AAMDC: variants seen among roughly 807,000 people sequenced by gnomAD.
AAMDC encodes adipogenesis associated Mth938 domain containing, also known as mth938 domain-containing protein.
Under a neutral mutation model 15.5 loss-of-function variants are expected in AAMDC, and 16 were observed. The ratio of observed to expected loss-of-function variants is 1.03; its 90% CI spans 0.70 to 1.57. AAMDC has a LOEUF of 1.57. Ranked by LOEUF, AAMDC falls within the 40% of genes most tolerant of loss-of-function variation. The pLI is 0.00. For missense variants in AAMDC, 141 were observed against 144.9 expected (o/e 0.97, Z 0.14); for synonymous variants, 51 against 51.6 (o/e 0.99, Z 0.05).
At chr11:77,899,651 C>G (rs907793803) in intron 5 of AAMDC, among the ~76,000 whole-genome samples, 2 of 149,430 alleles carry the variant, frequency 1.3e-5, no homozygotes, top group African/African-American at 4.9e-5. Flanking sequence ...GCCTGGGCAA[C>G]AAGAGCGAGA....
At chr11:77,825,617 G>A (rs540396088) in intron 1 of AAMDC, among the ~76,000 whole-genome samples, 2 of 151,794 alleles carry the variant, frequency 1.3e-5, no homozygotes, top group South Asian at 2.1e-4. Flanking sequence ...TATTTGTCTT[G>A]ATAACTGAAT....
intron 1 of AAMDC, chr11:77,830,132 A>C (rs778065619): frequency 6.6e-6 from 1 of 152,280 alleles, no homozygotes; most frequent in Non-Finnish European, 1.5e-5. Context: ...CTGTACCTAA[A>C]AGAAGAAAAG....
rs182734009 is a variant in AAMDC at position 77,861,371 on chromosome 11, G to A, written c.133-8351G>A. Among the ~76,000 whole-genome samples, 954 of 152,346 alleles carry A rather than the reference G, an allele frequency of 6.3e-3. 4 individuals are homozygous for A. Among genetic ancestry groups the A allele is most frequent in the Non-Finnish European group, 0.011 (753 of 68,032 alleles). On this transcript the variant is annotated intron_variant, in intron 2 of 3. Transcript: ENST00000393427. ...GCTGTCCTAGGACCCCTTGGATAGT[G>A]ACAGATCTGGAGGACAGTTGTCCAG...
chr11:77,905,644 G>A (rs1431812911), downstream of AAMDC, among the ~76,000 whole-genome samples: 2 of 152,176 alleles, frequency 1.3e-5, no homozygotes, highest in African/African-American at 4.8e-5. Flanking sequence ...CTGCATTTGT[G>A]AAAGATAAAA....
At chr11:77,886,806 G>A (rs1257605636) in intron 5 of AAMDC, among the ~76,000 whole-genome samples, 1 of 152,110 alleles carries the variant, frequency 6.6e-6, no homozygotes, top group African/African-American at 2.4e-5. Flanking sequence ...ACTCAAAACC[G>A]CTCAACTACA....
intron 2 of AAMDC, among the ~76,000 whole-genome samples, chr11:77,860,714 T>C (rs1187196082): frequency 6.6e-6 from 1 of 152,178 alleles, no homozygotes; most frequent in Non-Finnish European, 1.5e-5. Flanking sequence ...GACATTGGGT[T>C]TGAAGGATCT....
downstream of AAMDC, among the ~76,000 whole-genome samples, chr11:77,904,272 A>G (rs1446807894): frequency 6.6e-6 from 1 of 152,236 alleles, no homozygotes; most frequent in East Asian, 1.9e-4. Context: ...GACATTACAG[A>G]AAACCTAGAC....
intron 1 of AAMDC, among the ~76,000 whole-genome samples, chr11:77,836,921 C>T (rs1296117084): frequency 6.6e-5 from 10 of 152,026 alleles, no homozygotes; most frequent in East Asian, 3.9e-4. Flanking sequence ...GCCAAGATCG[C>T]GCCATTGCAC....
At chr11:77,871,106 A>G (rs949098669) in intron 3 of AAMDC, among the ~76,000 whole-genome samples, 1 of 152,184 alleles carries the variant, frequency 6.6e-6, no homozygotes, top group Non-Finnish European at 1.5e-5. Context: ...TGCCCAGCCT[A>G]TTTATATTTT....
At chr11:77,831,669 G>A (rs1949430439) in intron 1 of AAMDC, among the ~76,000 whole-genome samples, 1 of 149,932 alleles carries the variant, frequency 6.7e-6, no homozygotes, top group Non-Finnish European at 1.5e-5. Flanking sequence ...GAAAGAAGCA[G>A]CCACCTTTCA....
chr11:77,849,083 C>T (rs1424203036), intron 2 of AAMDC, among the ~76,000 whole-genome samples: 1 of 151,108 alleles, frequency 6.6e-6, no homozygotes, highest in African/African-American at 2.4e-5. Context: ...GTCCCCCAGG[C>T]TGGAGTGCAA....
downstream of AAMDC, among the ~76,000 whole-genome samples, chr11:77,873,906 T>C (rs1951525143): frequency 6.6e-6 from 1 of 152,224 alleles, no homozygotes; most frequent in Non-Finnish European, 1.5e-5. Context: ...CAGCCATCAC[T>C]GGAGCAGCAG....
At chr11:77,900,340 C>T (rs1459429106) in intron 5 of AAMDC, among the ~76,000 whole-genome samples, 2 of 151,808 alleles carry the variant, frequency 1.3e-5, no homozygotes, top group Non-Finnish European at 3.0e-5. Flanking sequence ...ACCTCGTGAT[C>T]TGCCCACCTT....
intron 1 of AAMDC, among the ~76,000 whole-genome samples, chr11:77,830,987 C>CAAAAAAAAAAAA (rs59283485): frequency 9.9e-6 from 1 of 100,514 alleles, no homozygotes; most frequent in Admixed American, 1.1e-4. Context: ...CAAAATATAC[C>CAAAAAAAAAAAA]AAAAAAAAAA....
Position 77,894,232 on chromosome 11 carries a change from A to C in AAMDC, c.329-6339A>C, listed in dbSNP as rs79318882. The C allele has an allele frequency of 1.7e-3, 1,399 of 840,302 alleles. 15 individuals are homozygous for C. In the African/African-American group the frequency reaches 0.022, roughly 13 times the overall value. 52.1% of individuals were successfully genotyped at this position (840,302 alleles called of 1,614,324 possible). A position where few individuals can be genotyped will look rare whatever the true frequency, so the allele number is the denominator to read the frequency against. ...TTTGTGATTGTTCCTATTGCCTGCA[A>C]GTGCTATACTCCATGTAACCAAGAT... On this transcript the variant is annotated intron_variant, in intron 5 of 5. Coordinates refer to the AAMDC transcript ENST00000304716.
chr11:77,904,587 G>A (rs977130847), downstream of AAMDC, among the ~76,000 whole-genome samples: 2 of 152,114 alleles, frequency 1.3e-5, no homozygotes, highest in African/African-American at 2.4e-5. Context: ...AGAGTCCCAT[G>A]TATCTGGTGG....
At chr11:77,903,641 G>A (rs757919786), downstream of AAMDC, 9 of 1,597,224 alleles carry the variant, frequency 5.6e-6, no homozygotes, top group East Asian at 2.2e-5. Context: ...AAATCAGGAG[G>A]GAACAGAATA....
At chr11:77,853,817 T>G (rs1051716809) in intron 2 of AAMDC, among the ~76,000 whole-genome samples, 3 of 151,862 alleles carry the variant, frequency 2.0e-5, no homozygotes, top group African/African-American at 7.3e-5. Context: ...GGTGCACCCC[T>G]GTAATCCCAG....
chr11:77,891,825 A>G, intron 5 of AAMDC: 1 of 1,611,528 alleles, frequency 6.2e-7, no homozygotes, highest in Non-Finnish European at 8.5e-7. Context: ...AGTGGGGCAA[A>G]TCAGCGATGA....
Sources: gnomAD v4.1 joint callset for allele counts (sites outside exome capture counted in the v4.1 genomes callset) on GRCh38, gnomAD v4.1.1 for gene constraint, MANE v1.5 for transcripts, NCBI Gene and HGNC (gene_info 2026-07-23, HGNC 2026-07-21) for gene names.